Variants in EFCAB11 observed in about 807,000 individuals in gnomAD.
EFCAB11 encodes the protein EF-hand calcium-binding domain-containing protein 11.
In EFCAB11, 14 loss-of-function variants were observed where a neutral mutation model predicts 23.0. The ratio of observed to expected loss-of-function variants is 0.61; its 90% CI spans 0.40 to 0.95. The LOEUF is 0.95. Ranked by LOEUF, EFCAB11 falls within the 40% of genes least tolerant of loss-of-function variation. EFCAB11 has a pLI of 0.00. For synonymous variants in EFCAB11, 65 were observed against 66.6 expected (o/e 0.98, Z 0.11); for missense variants, 198 against 195.8 (o/e 1.01, Z -0.07).
At chr14:89,892,460 G>C (rs1467169745) in intron 5 of EFCAB11, 2 of 1,526,988 alleles carry the variant, frequency 1.3e-6, no homozygotes, top group African/African-American at 2.8e-5. Context: ...GGAGAGAAAG[G>C]GTTAAAGCAG....
chr14:89,940,994 T>C (rs1053703536), intron 3 of EFCAB11, among the ~76,000 whole-genome samples: 1 of 152,214 alleles, frequency 6.6e-6, no homozygotes, highest in Non-Finnish European at 1.5e-5. Context: ...TTGCCCTTCA[T>C]AGAATTGCCC....
At position 89,827,119 on chromosome 14, in the gene EFCAB11, G is replaced by T. The variant is rs60221165; in HGVS notation, c.411-29795C>A. ...GTATTGAAGAACAAAAAAGGCAAAA[G>T]AGGAATTCTGCAATTAAAAGGTAGT... On this transcript the variant is annotated intron_variant, in intron 5 of 5. Transcript: ENST00000316738. 7.4e-3 allele frequency among the ~76,000 whole-genome samples: 1,129 copies of T among 152,298 alleles called. 11 individuals are homozygous for T. Among genetic ancestry groups the T allele is most frequent in the African/African-American group, 0.026 (1,085 of 41,560 alleles).
In EFCAB11 at chr14:89,932,605, T is replaced by A; in HGVS notation, c.240A>T (p.Leu80Phe). The A allele has an allele frequency of 6.2e-7, 1 of 1,613,748 alleles. No homozygotes were observed. The highest frequency in any genetic ancestry group is 8.5e-7 in the Non-Finnish European group (1 of 1,179,858). Residue 80 changes from leucine to phenylalanine, a missense_variant, in exon 4 of 6, where the codon TTA becomes TTT. By Grantham distance (22) the Leu-to-Phe change is conservative. Coordinates refer to ENST00000316738, the MANE Select transcript of EFCAB11 (RefSeq NM_145231.4). ...CTTCCTTCTTTTTCCTGACAATATT[T>A]AAAAACCCCTCGAGTAATATACCTA... ...NTSGILLEGF[L>F]NIVRKKKEAQ...
Position 89,914,278 on chromosome 14 carries a change from C to T in EFCAB11, c.410+17263G>A, listed in dbSNP as rs377099984. Among the ~76,000 whole-genome samples, 71 of 152,332 alleles carry T rather than the reference C, an allele frequency of 4.7e-4. No homozygotes were observed. In the South Asian group the frequency reaches 0.014, roughly 30 times the overall value. ...TCACACCCAAGGAGGGACTCCGGTC[C>T]TAAGGCCCTGGCTAAGAGCATGGGA... is the stretch of plus-strand genomic sequence containing the variant. On this transcript the variant is annotated intron_variant, in intron 5 of 5. Transcript: ENST00000316738.
At chr14:89,845,473 G>GGTTTC (rs1887401208) in intron 5 of EFCAB11, among the ~76,000 whole-genome samples, 1 of 152,132 alleles carries the variant, frequency 6.6e-6, no homozygotes, top group African/African-American at 2.4e-5. Context: ...TTCAAACTAA[G>GGTTTC]ATTTCGACGT....
intron 3 of EFCAB11, 46 bp from the exon 4 acceptor site, chr14:89,932,673 T>C: frequency 6.9e-7 from 1 of 1,449,358 alleles, no homozygotes; most frequent in Non-Finnish European, 9.6e-7. Flanking sequence ...ATTGTCTTCC[T>C]CTTTAAGAAA....
intron 5 of EFCAB11, among the ~76,000 whole-genome samples, chr14:89,823,304 A>T (rs1886587004): frequency 6.6e-6 from 1 of 152,226 alleles, no homozygotes; most frequent in African/African-American, 2.4e-5. Context: ...ACCTACAGCC[A>T]CAAGGAACTG....
At chr14:89,847,741 CAA>C (rs561016492) in intron 5 of EFCAB11, among the ~76,000 whole-genome samples, 211 of 92,090 alleles carry the variant, frequency 2.3e-3, no homozygotes, top group South Asian at 0.022. Flanking sequence ...CTCTGTCTCA[CAA>C]AAAAAAAAAA....
intron 3 of EFCAB11, among the ~76,000 whole-genome samples, chr14:89,949,135 G>A (rs1004554825): frequency 6.6e-6 from 1 of 152,026 alleles, no homozygotes; most frequent in African/African-American, 2.4e-5. Flanking sequence ...GAGTGTAACT[G>A]GACTGTTTGT....
chr14:89,839,326 T>C lies in EFCAB11; in HGVS notation c.411-42002A>G, dbSNP rs539126931. The stretch of plus-strand genomic sequence containing the variant: ...TTTGAGAGAGGAAAAAGGTGGAGGC[T>C]GAGTGAGAACAAATAAAGAGCAAAG... On this transcript the variant is annotated intron_variant, in intron 5 of 5. Coordinates refer to ENST00000316738, the MANE Select transcript of EFCAB11 (RefSeq NM_145231.4). Among the ~76,000 whole-genome samples, 3 of 152,256 alleles carry C rather than the reference T, an allele frequency of 2.0e-5. No individual in the cohort carries two copies. In the South Asian group the frequency reaches 6.2e-4, roughly 32 times the overall value.
At chr14:89,908,641 C>T (rs1292835885) in intron 5 of EFCAB11, among the ~76,000 whole-genome samples, 1 of 152,156 alleles carries the variant, frequency 6.6e-6, no homozygotes, top group Non-Finnish European at 1.5e-5. Context: ...ATAAAAAAAT[C>T]TGAAACATTT....
At chr14:89,883,971 T>A (rs1354849797) in intron 5 of EFCAB11, among the ~76,000 whole-genome samples, 3 of 151,944 alleles carry the variant, frequency 2.0e-5, no homozygotes, top group Non-Finnish European at 2.9e-5. Flanking sequence ...AAAAAAGTTT[T>A]AAAAAACTAG....
At chr14:89,940,243 T>A (rs950760380) in intron 3 of EFCAB11, among the ~76,000 whole-genome samples, 1 of 152,202 alleles carries the variant, frequency 6.6e-6, no homozygotes, top group African/African-American at 2.4e-5. Flanking sequence ...GTTTCCTGAT[T>A]ATAGAAAAGA....
chr14:89,950,165 A>AGAACAT lies in EFCAB11; in HGVS notation c.172-29_172-24dup, dbSNP rs766930860. ...TATCTAGAAAAGAGGAAAAAATAAT[A>AGAACAT]GAACATGTAATTTTATCACGTTTTC... On this transcript the variant is annotated intron_variant, in intron 2 of 5. Transcript: ENST00000316738. 72 of 1,546,798 alleles carry AGAACAT rather than the reference A, an allele frequency of 4.7e-5. 1 individual carries two copies. The highest frequency in any genetic ancestry group is 6.3e-5 in the Non-Finnish European group (72 of 1,134,520).
At chr14:89,864,663 T>C (rs746732066) in intron 5 of EFCAB11, among the ~76,000 whole-genome samples, 1 of 152,178 alleles carries the variant, frequency 6.6e-6, no homozygotes, top group Non-Finnish European at 1.5e-5. Context: ...GGTCTCGAAC[T>C]CCTGGCCTCA....
intron 5 of EFCAB11, among the ~76,000 whole-genome samples, chr14:89,816,295 T>C (rs1886336409): frequency 6.6e-6 from 1 of 152,184 alleles, no homozygotes. Flanking sequence ...GTGGAGTCTG[T>C]AGGTTTTTCT....
intron 5 of EFCAB11, among the ~76,000 whole-genome samples, chr14:89,917,844 C>T (rs886855240): frequency 6.6e-6 from 1 of 152,110 alleles, no homozygotes; most frequent in Non-Finnish European, 1.5e-5. Context: ...GATAGAAATG[C>T]CGTTGATGTG....
At position 89,954,694 on chromosome 14, in the gene EFCAB11, C is replaced by A. The variant is rs760620347; in HGVS notation, c.-34G>T. 9 of 1,599,102 alleles carry A rather than the reference C, an allele frequency of 5.6e-6. No homozygotes were observed. In the Admixed American group the frequency reaches 1.4e-4, roughly 24 times the overall value. ...CAACAACCGAGCCCCAGCAACCCAA[C>A]CAGCTACCACCGCTTTCCCAGCCTG... is the stretch of plus-strand genomic sequence containing the variant. On this transcript the variant is annotated 5_prime_UTR_variant, in exon 1 of 6. Transcript: ENST00000316738.
At chr14:89,946,127 T>G (rs756579725) in intron 3 of EFCAB11, among the ~76,000 whole-genome samples, 16 of 152,064 alleles carry the variant, frequency 1.1e-4, no homozygotes, top group Non-Finnish European at 1.3e-4. Flanking sequence ...TCATCATGGT[T>G]GGTCTCAAAC....
Sources: allele counts gnomAD v4.1 joint callset (sites outside exome capture counted in the v4.1 genomes callset), GRCh38; gene constraint gnomAD v4.1.1; transcripts MANE v1.5; gene names NCBI Gene and HGNC (gene_info 2026-07-23, HGNC 2026-07-21).